Variants in ZNF136 observed in about 807,000 individuals in gnomAD.
ZNF136 encodes the protein zinc finger protein 136 (clone pHZ-20).
Under a neutral mutation model 11.4 loss-of-function variants are expected in ZNF136, and 8 were observed. The observed-to-expected ratio is 0.70, with a 90% CI of 0.41 to 1.27. The LOEUF is 1.27. ZNF136 is among the 50% of genes most tolerant of loss of function. The pLI is 0.01. For missense variants in ZNF136, 590 were observed against 656.5 expected (o/e 0.90, Z 1.11); for synonymous variants, 190 against 207.1 (o/e 0.92, Z 0.71).
At chr19:12,168,531 C>G (rs1300531286) in intron 1 of ZNF136, among the ~76,000 whole-genome samples, 1 of 152,008 alleles carries the variant, frequency 6.6e-6, no homozygotes, top group East Asian at 1.9e-4. Context: ...GAAGGGGGTC[C>G]TATACTCCCT....
chr19:12,163,689 T>A (rs1442883091), intron 1 of ZNF136: 2 of 159,976 alleles, frequency 1.3e-5, no homozygotes, highest in East Asian at 3.6e-4. Flanking sequence ...TCTTTTCGCT[T>A]TTCCAAACGC....
chr19:12,170,492 A>G (rs1021467828), intron 1 of ZNF136, among the ~76,000 whole-genome samples: 1 of 151,750 alleles, frequency 6.6e-6, no homozygotes, highest in South Asian at 2.1e-4. Flanking sequence ...GGCTCAAGCA[A>G]TCCTTCCATC....
rs1436158460 is a variant in ZNF136, at chr19:12,188,985, C to A, written c.*984C>A. ...AAAATAGTTCTCTGACTATGGATTT[C>A]AAATGCTTAATCTCACAAAGAAATG... On this transcript the variant is annotated 3_prime_UTR_variant, in exon 4 of 4. Transcript: ENST00000343979. 3 of 152,138 alleles carry A rather than the reference C, an allele frequency of 2.0e-5. No individual in the cohort carries two copies. Among genetic ancestry groups the A allele is most frequent in the Non-Finnish European group, 2.9e-5 (2 of 68,024 alleles). The allele number at this position is 152,138 out of a possible 1,614,324, so 9.4% of individuals were successfully genotyped here. A position where few individuals can be genotyped will look rare whatever the true frequency, so the allele number is the denominator to read the frequency against.
chr19:12,172,754 C>T (rs1914691708), intron 1 of ZNF136, among the ~76,000 whole-genome samples: 1 of 152,202 alleles, frequency 6.6e-6, no homozygotes, highest in Non-Finnish European at 1.5e-5. Flanking sequence ...TGGCTCACGC[C>T]TGTAATCCCA....
At chr19:12,184,175 A>T (rs1036648961) in intron 1 of ZNF136, among the ~76,000 whole-genome samples, 1 of 151,642 alleles carries the variant, frequency 6.6e-6, no homozygotes, top group African/African-American at 2.4e-5. Flanking sequence ...TTGAGGCGGG[A>T]TAATCCCTTG....
At chr19:12,181,226 T>C (rs1293165940) in intron 1 of ZNF136, among the ~76,000 whole-genome samples, 2 of 152,180 alleles carry the variant, frequency 1.3e-5, no homozygotes, top group African/African-American at 2.4e-5. Flanking sequence ...TGCAGGGGCC[T>C]GGGGTCCGAC....
At chr19:12,184,005 G>T (rs555535384) in intron 1 of ZNF136, among the ~76,000 whole-genome samples, 1 of 152,142 alleles carries the variant, frequency 6.6e-6, no homozygotes, top group Admixed American at 6.5e-5. Flanking sequence ...GGTGGCTCAC[G>T]CCTGTAATCC....
chr19:12,163,169 G>A lies in ZNF136; in HGVS notation c.-35G>A. ...GTTTCCTGTACCTGCCTTGGGATCC[G>A]GAGGGAGGAAGCTGGGACACCCGGG... is the stretch of plus-strand genomic sequence containing the variant. On this transcript the variant is annotated 5_prime_UTR_variant, in exon 1 of 4. Transcript: ENST00000343979. 7.1e-7 allele frequency: 1 copy of A among 1,401,880 alleles called. No individual in the cohort carries two copies. Among genetic ancestry groups the A allele is most frequent in the South Asian group, 1.8e-5 (1 of 56,578 alleles). 86.8% of individuals were successfully genotyped at this position (1,401,880 alleles called of 1,614,324 possible). A position where few individuals can be genotyped will look rare whatever the true frequency, so the allele number is the denominator to read the frequency against.
intron 1 of ZNF136, among the ~76,000 whole-genome samples, chr19:12,172,641 G>A (rs141724181): frequency 5.2e-4 from 79 of 152,308 alleles, no homozygotes; most frequent in Non-Finnish European, 8.2e-4. Context: ...GTAGTCAGGT[G>A]TGTCAGTTAG....
rs1011899745 is a variant in ZNF136 at position 12,187,383 on chromosome 19, C to G, written c.1005C>G (p.Pro335=). 5 of 1,613,940 alleles carry G rather than the reference C, an allele frequency of 3.1e-6. No homozygotes were observed. In the East Asian group the frequency reaches 1.1e-4, roughly 36 times the overall value. Residue 335 remains proline, a synonymous_variant, in exon 4 of 4, where the codon CCC becomes CCG. Transcript: ENST00000343979. ...AAAGAATTCACACTGGTGAGAAACC[C>G]TTCGTATGTAAACAATGTGGTAAAG... ...LHERIHTGEK[P]FVCKQCGKAF...
intron 1 of ZNF136, among the ~76,000 whole-genome samples, chr19:12,181,879 C>T (rs370197959): frequency 1.3e-5 from 2 of 152,298 alleles, no homozygotes; most frequent in East Asian, 3.9e-4. Flanking sequence ...TCGCAATCCG[C>T]CTGTCTCTGC....
At chr19:12,174,425 G>A (rs1914736115) in intron 1 of ZNF136, among the ~76,000 whole-genome samples, 1 of 152,116 alleles carries the variant, frequency 6.6e-6, no homozygotes, top group Non-Finnish European at 1.5e-5. Context: ...TCTGTCACAG[G>A]TTCTTGGGCC....
rs139529871 is a variant in ZNF136, at chr19:12,181,650, G to C, written c.4-4135G>C. On this transcript the variant is annotated intron_variant, in intron 1 of 3. Transcript: ENST00000343979. Reference sequence around the variant, plus strand: ...ACCACGCCCAGCTAATTTTTTTTGGGGGGGGACAGAGCCTCACTGAGTCGC... The same window carrying C: ...ACCACGCCCAGCTAATTTTTTTTGGCGGGGGACAGAGCCTCACTGAGTCGC... Among the ~76,000 whole-genome samples, 1,295 of 151,040 alleles carry C rather than the reference G, an allele frequency of 8.6e-3. 6 individuals carry two copies. Among genetic ancestry groups the C allele is most frequent in the Non-Finnish European group, 0.013 (911 of 67,664 alleles).
intron 1 of ZNF136, among the ~76,000 whole-genome samples, chr19:12,170,668 T>A (rs1192077598): frequency 1.2e-5 from 1 of 86,634 alleles, no homozygotes; most frequent in South Asian, 2.9e-4. Context: ...GCTTCATAAA[T>A]TTTTTTTTTT....
intron 1 of ZNF136, among the ~76,000 whole-genome samples, chr19:12,167,690 T>C (rs1914514140): frequency 6.6e-6 from 1 of 152,106 alleles, no homozygotes; most frequent in Non-Finnish European, 1.5e-5. Flanking sequence ...AGAAACCCCA[T>C]CTCTACTAAA....
At chr19:12,167,431 A>G (rs1258855999) in intron 1 of ZNF136, among the ~76,000 whole-genome samples, 1 of 152,256 alleles carries the variant, frequency 6.6e-6, no homozygotes, top group Non-Finnish European at 1.5e-5. Context: ...GAAGCAAAGA[A>G]TGGGCATTTG....
intron 1 of ZNF136, among the ~76,000 whole-genome samples, chr19:12,165,359 TG>T (rs1977171429): frequency 6.6e-6 from 1 of 152,210 alleles, no homozygotes; most frequent in South Asian, 2.1e-4. Flanking sequence ...TGCTTCTCCC[TG>T]GGATTCTTGC....
intron 2 of ZNF136, 96 bp downstream of exon 2, chr19:12,186,007 C>T: frequency 6.3e-7 from 1 of 1,596,992 alleles, no homozygotes; most frequent in Non-Finnish European, 8.5e-7. Flanking sequence ...AGGGAGAGTA[C>T]TTGGGGGGCT....
chr19:12,174,952 G>T (rs1376057586), intron 1 of ZNF136, among the ~76,000 whole-genome samples: 1 of 149,782 alleles, frequency 6.7e-6, no homozygotes, highest in Non-Finnish European at 1.5e-5. Context: ...CTGCCTCCCG[G>T]TTCAAGCTGT....
Sources: gnomAD v4.1 joint callset for allele counts (sites outside exome capture counted in the v4.1 genomes callset) on GRCh38, gnomAD v4.1.1 for gene constraint, MANE v1.5 for transcripts, NCBI Gene and HGNC (gene_info 2026-07-23, HGNC 2026-07-21) for gene names.